Variants in ADAM23 observed in about 807,000 individuals in gnomAD.
ADAM23 encodes disintegrin and metalloproteinase domain-containing protein 23.
ADAM23 carries 33 observed loss-of-function variants against 120.1 expected under a neutral mutation model. The observed-to-expected ratio is 0.27, with a 90% CI of 0.21 to 0.37. The LOEUF (loss-of-function observed/expected upper bound fraction) is 0.37. ADAM23 is among the 10% of genes least tolerant of loss of function. ADAM23 has a pLI of 1.00. For synonymous variants in ADAM23, 367 were observed against 375.2 expected, an observed-to-expected ratio of 0.98 and a Z score of 0.25; for missense variants, 862 against 1,058.2, an observed-to-expected ratio of 0.81 and a Z score of 2.57.
chr2:206,494,505 A>G (rs1043220239), intron 3 of ADAM23, among the ~76,000 whole-genome samples: 1 of 152,196 alleles, frequency 6.6e-6, no homozygotes, highest in African/African-American at 2.4e-5. Flanking sequence ...GGGATCAGGG[A>G]AAGCTATACA....
rs775433230 is a variant in ADAM23 at position 206,617,902 on chromosome 2, T to C, written c.*275T>C. 9.9e-6 allele frequency: 4 copies of C among 404,764 alleles called. No homozygotes were observed. Among genetic ancestry groups the C allele is most frequent in the Non-Finnish European group, 1.6e-5 (4 of 244,148 alleles). The allele number at this position is 404,764 out of a possible 1,614,324, so 25.1% of individuals were successfully genotyped here. Reference sequence around the variant, plus strand: ...GTTCCAGAATCTTTTTTTTCCCTAATGGACGAAGGAACAACACACACACAA... The same window carrying C: ...GTTCCAGAATCTTTTTTTTCCCTAACGGACGAAGGAACAACACACACACAA... On this transcript the variant is annotated 3_prime_UTR_variant, in exon 26 of 26. Coordinates refer to ENST00000264377, the MANE Select transcript of ADAM23 (RefSeq NM_003812.4).
chr2:206,602,243 T>G (rs1457361805), intron 24 of ADAM23, among the ~76,000 whole-genome samples: 1 of 152,188 alleles, frequency 6.6e-6, no homozygotes, highest in Non-Finnish European at 1.5e-5. Context: ...TGAATTTATT[T>G]TGTTTCAGTT....
intron 9 of ADAM23, among the ~76,000 whole-genome samples, chr2:206,556,194 C>T (rs1471618716): frequency 6.6e-6 from 1 of 151,648 alleles, no homozygotes; most frequent in Non-Finnish European, 1.5e-5. Flanking sequence ...ATAATAATAG[C>T]AGAATATTAA....
chr2:206,541,951 C>T, intron 4 of ADAM23, 101 bp from the exon 5 acceptor site: 1 of 1,188,310 alleles, frequency 8.4e-7, no homozygotes, highest in Non-Finnish European at 1.3e-6. Flanking sequence ...ATACAGTGCA[C>T]ATATATGCCC....
intron 9 of ADAM23, 96 bp from the exon 10 acceptor site, chr2:206,557,331 T>G: frequency 1.0e-6 from 1 of 991,768 alleles, no homozygotes; most frequent in South Asian, 1.3e-5. Flanking sequence ...TAAATCCATA[T>G]TTCTACTATT....
At chr2:206,592,485 T>C (rs761381894) in intron 21 of ADAM23, 132 bp from the exon 22 acceptor site, 8 of 1,173,022 alleles carry the variant, frequency 6.8e-6, no homozygotes, top group Non-Finnish European at 9.6e-6. Flanking sequence ...ACCAATGATA[T>C]ATGATCAAAT....
intron 2 of ADAM23, among the ~76,000 whole-genome samples, chr2:206,453,548 T>G (rs563936237): frequency 6.6e-6 from 1 of 152,322 alleles, no homozygotes; most frequent in South Asian, 2.1e-4. Flanking sequence ...ATCTACTGAG[T>G]GAATTTTCAA....
intron 12 of ADAM23, among the ~76,000 whole-genome samples, chr2:206,561,430 G>A (rs1697763261): frequency 6.6e-6 from 1 of 152,160 alleles, no homozygotes; most frequent in Non-Finnish European, 1.5e-5. Context: ...TCAGGCAAAT[G>A]CAGCTGAAGA....
intron 24 of ADAM23, among the ~76,000 whole-genome samples, chr2:206,600,013 A>T (rs1178353709): frequency 3.9e-5 from 6 of 152,212 alleles, no homozygotes; most frequent in Non-Finnish European, 7.4e-5. Flanking sequence ...CATCCTGGCT[A>T]ACACAGTGAA....
intron 9 of ADAM23, 80 bp downstream of exon 9, chr2:206,550,240 ATT>A (rs929104067): frequency 2.9e-5 from 24 of 835,888 alleles, no homozygotes; most frequent in Admixed American, 3.1e-5. Context: ...GTTAATCATT[ATT>A]TTTTACTTAT....
chr2:206,529,848 G>C (rs533102261), intron 3 of ADAM23, among the ~76,000 whole-genome samples: 1 of 151,682 alleles, frequency 6.6e-6, no homozygotes, highest in Non-Finnish European at 1.5e-5. Context: ...GTCTCACTCT[G>C]TCTCTCAGGA....
At chr2:206,591,793 C>T (rs1698430801) in intron 21 of ADAM23, among the ~76,000 whole-genome samples, 1 of 152,102 alleles carries the variant, frequency 6.6e-6, no homozygotes, top group African/African-American at 2.4e-5. Flanking sequence ...TTTTATTGTA[C>T]CATATTTCAC....
intron 13 of ADAM23, among the ~76,000 whole-genome samples, chr2:206,564,784 G>C (rs547496914): frequency 6.6e-6 from 1 of 152,270 alleles, no homozygotes; most frequent in Admixed American, 6.5e-5. Context: ...AATGAAGAGA[G>C]GCACAATATT....
chr2:206,530,025 G>A (rs1697019359), intron 3 of ADAM23, among the ~76,000 whole-genome samples: 1 of 152,136 alleles, frequency 6.6e-6, no homozygotes, highest in Non-Finnish European at 1.5e-5. Flanking sequence ...TAGCCAGGAT[G>A]GTCTTGATCT....
intron 2 of ADAM23, among the ~76,000 whole-genome samples, chr2:206,472,437 C>G (rs2105869763): frequency 6.6e-6 from 1 of 151,718 alleles, no homozygotes; most frequent in East Asian, 1.9e-4. Flanking sequence ...TGGTGAAACC[C>G]TGTCTTTACT....
At chr2:206,543,378 AAGAAAAG>A in intron 6 of ADAM23, 62 bp downstream of exon 6, 4 of 1,369,908 alleles carry the variant, frequency 2.9e-6, no homozygotes, top group Admixed American at 1.7e-5. Flanking sequence ...TGTCTTTGAG[AAGAAAAG>A]AGAAAAGAGT....
At position 206,484,130 on chromosome 2, in the gene ADAM23, T is replaced by G. The variant is rs986148159; in HGVS notation, c.509+2822T>G. Among the ~76,000 whole-genome samples the G allele has an allele frequency of 6.6e-5, 10 of 152,172 alleles. No homozygotes were observed. In the East Asian group the frequency reaches 1.9e-3, roughly 29 times the overall value. Reference sequence around the variant, plus strand: ...AAAGCCCAAGGGCAGAACTTAGTTTTGAACCGGTAAAGACAGGTTGTCCTG... The same window carrying G: ...AAAGCCCAAGGGCAGAACTTAGTTTGGAACCGGTAAAGACAGGTTGTCCTG... On this transcript the variant is annotated intron_variant, in intron 3 of 25. Coordinates refer to ENST00000264377, the MANE Select transcript of ADAM23 (RefSeq NM_003812.4).
At chr2:206,501,790 ATGAAT>A (rs1262920459) in intron 3 of ADAM23, among the ~76,000 whole-genome samples, 1 of 152,118 alleles carries the variant, frequency 6.6e-6, no homozygotes, top group Non-Finnish European at 1.5e-5. Context: ...TGATTTACAA[ATGAAT>A]TGAAGTTAAT....
At chr2:206,445,218 A>C in intron 1 of ADAM23, 89 bp from the exon 2 acceptor site, 1 of 930,640 alleles carries the variant, frequency 1.1e-6, no homozygotes, top group Non-Finnish European at 1.6e-6. Context: ...GGAAAAATGC[A>C]TTTTAGTGCT....
Sources: allele counts gnomAD v4.1 joint callset (sites outside exome capture counted in the v4.1 genomes callset), GRCh38; gene constraint gnomAD v4.1.1; transcripts MANE v1.5; gene names NCBI Gene and HGNC (gene_info 2026-07-23, HGNC 2026-07-21).